Variants in SOX6 observed in about 807,000 individuals in gnomAD.
The protein encoded by SOX6 is transcription factor SOX-6.
Under a neutral mutation model 97.8 loss-of-function variants are expected in SOX6, and 11 were observed. The ratio of observed to expected loss-of-function variants is 0.11; its 90% CI spans 0.07 to 0.19. The LOEUF is 0.19. Among genes scored for constraint, SOX6 ranks in the 10% least tolerant of loss-of-function variants. The pLI, the probability that SOX6 is intolerant of heterozygous loss-of-function variation, is 1.00. For synonymous variants in SOX6, 360 were observed against 371.4 expected (o/e 0.97, Z 0.35); for missense variants, 810 against 1,039.5 (o/e 0.78, Z 3.04).
chr11:16,549,241 C>A (rs551271364), intron 4 of SOX6, among the ~76,000 whole-genome samples: 1 of 152,250 alleles, frequency 6.6e-6, no homozygotes, highest in South Asian at 2.1e-4. Flanking sequence ...ATGATCTCGG[C>A]TCACTGCAAC....
intron 7 of SOX6, among the ~76,000 whole-genome samples, chr11:16,100,909 T>A (rs79671110): frequency 0.037 from 5,562 of 150,840 alleles, 131 homozygotes; most frequent in Middle Eastern, 0.15. Flanking sequence ...TTGGAAGGAG[T>A]AGAGAGAGAA....
intron 3 of SOX6, among the ~76,000 whole-genome samples, chr11:16,268,411 T>C (rs1854146361): frequency 6.6e-6 from 1 of 151,194 alleles, no homozygotes; most frequent in Non-Finnish European, 1.5e-5. Context: ...TATATAAATA[T>C]CAAAGTAGAG....
chr11:16,611,440 T>G (rs1348250721), intron 4 of SOX6, among the ~76,000 whole-genome samples: 2 of 152,126 alleles, frequency 1.3e-5, no homozygotes, highest in African/African-American at 4.8e-5. Context: ...TCCCAAACAC[T>G]GAGAAGAACT....
intron 2 of SOX6, among the ~76,000 whole-genome samples, chr11:16,334,150 C>A (rs1856391096): frequency 1.3e-5 from 2 of 151,886 alleles, no homozygotes; most frequent in Non-Finnish European, 2.9e-5. Context: ...ATAAACATGA[C>A]ATGTGACACC....
chr11:16,202,685 G>C (rs1200166968), intron 4 of SOX6, among the ~76,000 whole-genome samples: 2 of 151,972 alleles, frequency 1.3e-5, no homozygotes, highest in African/African-American at 4.8e-5. Flanking sequence ...CTACACTTGA[G>C]TTCTAAAATT....
At chr11:16,291,363 G>GAATAAATAAATAAATA (rs138094110) in intron 3 of SOX6, among the ~76,000 whole-genome samples, 6,792 of 148,072 alleles carry the variant, frequency 0.046, 218 homozygotes, top group Non-Finnish European at 0.071. Flanking sequence ...TATAATGAAT[G>GAATAAATAAATAAATA]AATAAATAAA....
At chr11:16,318,298 T>C (rs1855810776) in intron 3 of SOX6, 148 bp downstream of exon 3, 1 of 768,258 alleles carries the variant, frequency 1.3e-6, no homozygotes, top group South Asian at 1.5e-5. Context: ...AAATCTGCCA[T>C]CACCATAGTA....
At chr11:16,398,371 C>T (rs946450324) in intron 1 of SOX6, among the ~76,000 whole-genome samples, 1 of 151,434 alleles carries the variant, frequency 6.6e-6, no homozygotes, top group Non-Finnish European at 1.5e-5. Flanking sequence ...TAACCATTCC[C>T]TGGCCTTTTA....
chr11:16,425,792 C>G (rs1007622264), intron 1 of SOX6, among the ~76,000 whole-genome samples: 4 of 152,088 alleles, frequency 2.6e-5, no homozygotes, highest in African/African-American at 9.7e-5. Context: ...GAACTACAAA[C>G]CACTGCTCAC....
intron 4 of SOX6, among the ~76,000 whole-genome samples, chr11:16,602,393 A>C (rs1848281050): frequency 6.6e-6 from 1 of 152,220 alleles, no homozygotes. Flanking sequence ...ACTAGACCTA[A>C]TAATTGTGAT....
chr11:16,433,583 A>T (rs1177527186), intron 1 of SOX6, among the ~76,000 whole-genome samples: 1 of 152,076 alleles, frequency 6.6e-6, no homozygotes, highest in Non-Finnish European at 1.5e-5. Flanking sequence ...TCCTATAAAT[A>T]ACAGCTTCCA....
intron 4 of SOX6, among the ~76,000 whole-genome samples, chr11:16,514,952 G>C (rs1282476236): frequency 6.6e-6 from 1 of 151,856 alleles, no homozygotes; most frequent in Non-Finnish European, 1.5e-5. Context: ...ATCATTGTTG[G>C]ACACTTGGGT....
intron 1 of SOX6, among the ~76,000 whole-genome samples, chr11:16,366,296 T>C (rs1857357341): frequency 1.3e-5 from 2 of 152,156 alleles, no homozygotes; most frequent in South Asian, 4.1e-4. Flanking sequence ...AAGGGCTTCC[T>C]ATTCTTCCTG....
intron 4 of SOX6, among the ~76,000 whole-genome samples, chr11:16,549,442 T>A (rs910098744): frequency 2.0e-5 from 3 of 152,192 alleles, no homozygotes; most frequent in Non-Finnish European, 4.4e-5. Flanking sequence ...ATAACTAAAA[T>A]TTTTTAAATG....
chr11:16,323,401 T>C (rs541131282), intron 2 of SOX6, among the ~76,000 whole-genome samples: 11 of 152,334 alleles, frequency 7.2e-5, no homozygotes, highest in African/African-American at 2.6e-4. Context: ...ATTGTTCAGA[T>C]TTTTCAGAAG....
At chr11:16,084,942 C>G (rs78489790) in intron 9 of SOX6, among the ~76,000 whole-genome samples, 1,619 of 152,252 alleles carry the variant, frequency 0.011, 27 homozygotes, top group African/African-American at 0.037. Context: ...AGAAATGCCT[C>G]TTTATCAACA....
At chr11:16,595,518 A>G (rs557519992) in intron 4 of SOX6, among the ~76,000 whole-genome samples, 1 of 150,504 alleles carries the variant, frequency 6.6e-6, no homozygotes, top group Admixed American at 6.7e-5. Flanking sequence ...TGATGGCTCC[A>G]CCTATAATCT....
At chr11:16,126,039 C>T (rs1400745858) in intron 6 of SOX6, among the ~76,000 whole-genome samples, 1 of 152,098 alleles carries the variant, frequency 6.6e-6, no homozygotes, top group Non-Finnish European at 1.5e-5. Flanking sequence ...ATATATTTAA[C>T]ATTAGGTCTG....
intron 1 of SOX6, among the ~76,000 whole-genome samples, chr11:16,386,702 T>C (rs11603071): frequency 0.27 from 40,960 of 152,016 alleles, 7,110 homozygotes; most frequent in Non-Finnish European, 0.38. Context: ...ATCCTACTTA[T>C]AATTTATGTC....
Sources: allele counts gnomAD v4.1 joint callset (sites outside exome capture counted in the v4.1 genomes callset), GRCh38; gene constraint gnomAD v4.1.1; transcripts MANE v1.5; gene names NCBI Gene and HGNC (gene_info 2026-07-23, HGNC 2026-07-21).